NUP107: variants seen among roughly 807,000 people sequenced by gnomAD.
NUP107 encodes nucleoporin 107.
Under a neutral mutation model 141.0 loss-of-function variants are expected in NUP107, and 101 were observed. That is an observed-to-expected ratio of 0.72 (90% CI 0.61 to 0.84). The LOEUF is 0.84. Ranked by LOEUF, NUP107 falls within the 40% of genes least tolerant of loss-of-function variation. The pLI, the probability that NUP107 is intolerant of heterozygous loss-of-function variation, is 0.00. For missense variants in NUP107, 941 were observed against 1,102.7 expected (o/e 0.85, Z 2.08); for synonymous variants, 319 against 363.9 (o/e 0.88, Z 1.41).
intron 9 of NUP107, among the ~76,000 whole-genome samples, chr12:68,709,611 T>C (rs1432952328): frequency 6.6e-6 from 1 of 152,062 alleles, no homozygotes; most frequent in Non-Finnish European, 1.5e-5. Context: ...TTGATATTTT[T>C]AAAATCAGAA....
rs531406686 is a variant in NUP107, at chr12:68,726,700, A to G, written c.1695+83A>G. 1.3e-5 allele frequency: 11 copies of G among 862,912 alleles called. No homozygotes were observed. In the African/African-American group the frequency reaches 1.4e-4, roughly 11 times the overall value. The allele number at this position is 862,912 out of a possible 1,614,324, so 53.5% of individuals were successfully genotyped here. A position where few individuals can be genotyped will look rare whatever the true frequency, so the allele number is the denominator to read the frequency against. On this transcript the variant is annotated intron_variant, in intron 19 of 27. Coordinates refer to ENST00000229179, the MANE Select transcript of NUP107 (RefSeq NM_020401.4). ...TCAAGAAAACACTACTTTTTTTATT[A>G]TTGTTTTCTAGAAATGGTGATAAGG... is the stretch of plus-strand genomic sequence containing the variant.
chr12:68,734,707 G>A lies in NUP107; in HGVS notation c.2263-1G>A. 1 of 1,537,806 alleles carries A rather than the reference G, an allele frequency of 6.5e-7. No homozygotes were observed. Reference sequence around the variant, plus strand: ...TTTGGTTTTTTTATTTCACATTTTAGGAAGCCCATGAAACCTTTAATGAGT... The same window carrying A: ...TTTGGTTTTTTTATTTCACATTTTAAGAAGCCCATGAAACCTTTAATGAGT... On this transcript the variant is annotated splice_acceptor_variant, in intron 24 of 27. Transcript: ENST00000229179. LOFTEE classifies it high-confidence loss of function.
At chr12:68,729,498 A>G (rs1592518501) in intron 20 of NUP107, among the ~76,000 whole-genome samples, 1 of 148,248 alleles carries the variant, frequency 6.7e-6, no homozygotes, top group African/African-American at 2.5e-5. Flanking sequence ...GTGTAGTGGC[A>G]TGATCTTGGC....
At chr12:68,736,006 T>C (rs1392436438) in intron 26 of NUP107, among the ~76,000 whole-genome samples, 1 of 152,114 alleles carries the variant, frequency 6.6e-6, no homozygotes, top group Non-Finnish European at 1.5e-5. Context: ...ACTGGTAGAA[T>C]TTGGATGAGC....
At chr12:68,725,349 G>A (rs1185639441) in intron 17 of NUP107, among the ~76,000 whole-genome samples, 1 of 151,968 alleles carries the variant, frequency 6.6e-6, no homozygotes, top group Non-Finnish European at 1.5e-5. Context: ...TGCTGCTCAT[G>A]TTGAAAGAAA....
rs955110757 is a variant in NUP107 at position 68,715,075 on chromosome 12, A to C, written c.970-552A>C. 2.0e-5 allele frequency among the ~76,000 whole-genome samples: 3 copies of C among 152,234 alleles called. No individual in the cohort carries two copies. In the South Asian group the frequency reaches 6.2e-4, roughly 31 times the overall value. Reference sequence around the variant, plus strand: ...GCTAGTAGTATTTCTGCCTTGCCTGACTGAGGCATGCCCTTTGTGGGCCAA... The same window carrying C: ...GCTAGTAGTATTTCTGCCTTGCCTGCCTGAGGCATGCCCTTTGTGGGCCAA... On this transcript the variant is annotated intron_variant, in intron 11 of 27. Coordinates refer to ENST00000229179, the MANE Select transcript of NUP107 (RefSeq NM_020401.4).
At chr12:68,734,594 T>C in intron 24 of NUP107, 114 bp from the exon 25 acceptor site, 2 of 823,698 alleles carry the variant, frequency 2.4e-6, no homozygotes, top group Non-Finnish European at 3.7e-6. Context: ...AACAGTTTTA[T>C]TTCTTGATGC....
intron 26 of NUP107, among the ~76,000 whole-genome samples, chr12:68,737,700 C>T (rs1457159743): frequency 1.3e-5 from 2 of 151,774 alleles, no homozygotes; most frequent in Non-Finnish European, 2.9e-5. Context: ...TTCTTTAAAA[C>T]TAATCCAGAA....
chr12:68,709,168 T>C, intron 8 of NUP107, 70 bp from the exon 9 acceptor site: 1 of 1,051,012 alleles, frequency 9.5e-7, no homozygotes, highest in Non-Finnish European at 1.4e-6. Flanking sequence ...TTTATCTTTC[T>C]ATTAAAATAA....
intron 10 of NUP107, 25 bp from the exon 11 acceptor site, chr12:68,713,705 A>C: frequency 6.5e-7 from 1 of 1,544,670 alleles, no homozygotes; most frequent in South Asian, 1.2e-5. Context: ...CTCTTAAAAA[A>C]TTTGGTACTT....
At chr12:68,690,992 A>G (rs928218470) in intron 4 of NUP107, among the ~76,000 whole-genome samples, 17 of 152,008 alleles carry the variant, frequency 1.1e-4, no homozygotes, top group African/African-American at 4.1e-4. Context: ...AGGTGTGAGA[A>G]TTGCTTGAAC....
chr12:68,729,695 G>A (rs1008031253), intron 20 of NUP107, among the ~76,000 whole-genome samples: 3 of 151,652 alleles, frequency 2.0e-5, no homozygotes, highest in South Asian at 2.1e-4. Context: ...CAGCAGCCTC[G>A]GCCTTCCAAA....
intron 19 of NUP107, 77 bp from the exon 20 acceptor site, chr12:68,727,274 A>C: frequency 1.4e-6 from 1 of 723,342 alleles, no homozygotes. Context: ...ATTATTTAAT[A>C]ATGGAATTTG....
chr12:68,725,834 TG>T, intron 18 of NUP107, 38 bp downstream of exon 18: 1 of 938,202 alleles, frequency 1.1e-6, no homozygotes, highest in Non-Finnish European at 1.5e-6. Context: ...GTTTTTTGTG[TG>T]TGTTTTTTTT....
At chr12:68,724,916 T>C (rs1877497077) in intron 17 of NUP107, among the ~76,000 whole-genome samples, 1 of 152,068 alleles carries the variant, frequency 6.6e-6, no homozygotes, top group African/African-American at 2.4e-5. Flanking sequence ...AATAAATAGA[T>C]GAGTGGAACA....
At chr12:68,731,754 C>T (rs768922362) in intron 22 of NUP107, 35 bp downstream of exon 22, 1 of 1,107,976 alleles carries the variant, frequency 9.0e-7, no homozygotes, top group South Asian at 1.4e-5. Context: ...GTTTCTATAA[C>T]TTCTAATAAT....
chr12:68,706,040 T>C lies in NUP107; in HGVS notation c.730-3198T>C, dbSNP rs1009873585. ...CGGCAGAAGACGGCTCAGAGCAACA[T>C]GGACAACATGTTCGAGAGCTACATC... On this transcript the variant is annotated intron_variant, in intron 8 of 27. Transcript: ENST00000229179. 3.6e-6 allele frequency: 3 copies of C among 827,132 alleles called. No individual in the cohort carries two copies. The Admixed American group carries it at 5.1e-5, about 14-fold the overall frequency. The allele number at this position is 827,132 out of a possible 1,614,324, so 51.2% of individuals were successfully genotyped here.
At chr12:68,717,762 T>C (rs1212858368) in intron 12 of NUP107, among the ~76,000 whole-genome samples, 5 of 152,216 alleles carry the variant, frequency 3.3e-5, no homozygotes. Context: ...GTGACTATCT[T>C]ATTTCACTTA....
chr12:68,707,754 CATT>C (rs1284050537), intron 8 of NUP107, among the ~76,000 whole-genome samples: 4 of 151,956 alleles, frequency 2.6e-5, no homozygotes, highest in African/African-American at 9.7e-5. Flanking sequence ...TGTTGTTGTT[CATT>C]ATTTTTTTAT....
Sources: allele counts gnomAD v4.1 joint callset (sites outside exome capture counted in the v4.1 genomes callset), GRCh38; gene constraint gnomAD v4.1.1; transcripts MANE v1.5; gene names NCBI Gene and HGNC (gene_info 2026-07-23, HGNC 2026-07-21).